Variants in SLC8A1 observed in about 807,000 individuals in gnomAD.
SLC8A1 encodes solute carrier family 8 member A1.
SLC8A1 carries 18 observed loss-of-function variants against 68.3 expected under a neutral mutation model. The observed-to-expected ratio is 0.26, with a 90% CI of 0.18 to 0.39. The LOEUF (loss-of-function observed/expected upper bound fraction) is 0.39, where lower values mean the gene tolerates loss of function less well. Ranked by LOEUF, SLC8A1 falls within the 10% of genes least tolerant of loss-of-function variation. SLC8A1 has a pLI of 1.00. For missense variants in SLC8A1, 985 were observed against 1,156.7 expected (o/e 0.85, Z 2.15); for synonymous variants, 475 against 415.5 (o/e 1.14, Z -1.74).
At chr2:40,278,661 G>T (rs974196424) in intron 2 of SLC8A1, among the ~76,000 whole-genome samples, 2 of 151,990 alleles carry the variant, frequency 1.3e-5, no homozygotes, top group African/African-American at 4.8e-5. Context: ...GGGCATTGTG[G>T]TCTCTCCTTC....
chr2:40,291,079 G>A (rs1477191001), intron 2 of SLC8A1, among the ~76,000 whole-genome samples: 1 of 152,188 alleles, frequency 6.6e-6, no homozygotes, highest in East Asian at 1.9e-4. Context: ...AGTGATCATA[G>A]TACAAACTAT....
At chr2:40,275,743 A>G (rs1016028518) in intron 2 of SLC8A1, among the ~76,000 whole-genome samples, 1 of 152,214 alleles carries the variant, frequency 6.6e-6, no homozygotes, top group African/African-American at 2.4e-5. Flanking sequence ...AATTATGTGA[A>G]AGGTGCTTTG....
At chr2:40,307,146 T>TATACACACACAC (rs1553490522) in intron 2 of SLC8A1, among the ~76,000 whole-genome samples, 10 of 148,172 alleles carry the variant, frequency 6.7e-5, no homozygotes, top group African/African-American at 1.7e-4. Flanking sequence ...AAATGTGATA[T>TATACACACACAC]ACACACACAC....
At chr2:40,201,274 T>C (rs1177480597) in intron 2 of SLC8A1, among the ~76,000 whole-genome samples, 1 of 151,950 alleles carries the variant, frequency 6.6e-6, no homozygotes, top group East Asian at 1.9e-4. Context: ...CAATTTCTTG[T>C]GACTTGTCAA....
intron 2 of SLC8A1, among the ~76,000 whole-genome samples, chr2:40,294,747 A>G (rs1293625671): frequency 6.6e-6 from 1 of 152,196 alleles, no homozygotes; most frequent in African/African-American, 2.4e-5. Context: ...GGTTTTATAA[A>G]ATAAAGTTAA....
chr2:40,397,735 C>T (rs937690135), intron 2 of SLC8A1, among the ~76,000 whole-genome samples: 1 of 152,162 alleles, frequency 6.6e-6, no homozygotes, highest in African/African-American at 2.4e-5. Flanking sequence ...CCAGGAGAAC[C>T]ACTCTGAGAA....
At chr2:40,353,105 A>G (rs551253956) in intron 2 of SLC8A1, among the ~76,000 whole-genome samples, 24 of 152,164 alleles carry the variant, frequency 1.6e-4, no homozygotes, top group African/African-American at 5.8e-4. Context: ...ATAACTTTCT[A>G]TTGTCAACTG....
intron 2 of SLC8A1, among the ~76,000 whole-genome samples, chr2:40,242,086 A>G (rs1232057162): frequency 2.0e-5 from 3 of 152,080 alleles, no homozygotes; most frequent in Admixed American, 6.6e-5. Flanking sequence ...GACTAAATAT[A>G]TTGTTATATA....
intron 1 of SLC8A1, among the ~76,000 whole-genome samples, chr2:40,476,826 A>G (rs1704323177): frequency 6.6e-6 from 1 of 152,202 alleles, no homozygotes; most frequent in Admixed American, 6.5e-5. Flanking sequence ...CCATTGGCAG[A>G]GTATCTAGGA....
chr2:40,429,823 A>G (rs1281142771), exon 2 of SLC8A1: 1 of 1,613,752 alleles, frequency 6.2e-7, no homozygotes, highest in African/African-American at 1.3e-5. Context: ...CACTTCAATT[A>G]CTGAAAGGAG....
rs139267501 is a variant in SLC8A1, at chr2:40,428,741, G to C, written c.1540C>G (p.His514Asp). ...CCGAGGCAAGCAAGTGTAGAAACAT[G>C]ATTGGCTTCCAGTATGCCATCTTCT... The change falls in exon 2 of 8, where the codon CAT (histidine) becomes GAT (aspartate). Residue 514 changes from histidine (H) to aspartate (D), a missense_variant. By Grantham distance (81) the His-to-Asp change is moderately conservative. Transcript: ENST00000406785. 4 of 1,613,808 alleles carry C rather than the reference G, an allele frequency of 2.5e-6. No homozygotes were observed. In the East Asian group the frequency reaches 8.9e-5, roughly 36 times the overall value.
At chr2:40,453,107 T>C (rs942584313), upstream of SLC8A1, 4 of 152,212 alleles carry the variant, frequency 2.6e-5, no homozygotes, top group African/African-American at 7.2e-5. Context: ...GGTGAAAGGC[T>C]AGACCTACTG....
intron 7 of SLC8A1, among the ~76,000 whole-genome samples, chr2:40,133,711 C>G (rs550892546): frequency 3.3e-4 from 19 of 57,898 alleles, no homozygotes; most frequent in Non-Finnish European, 6.6e-4. Flanking sequence ...TCCCCCCCCC[C>G]CACCGACTCA....
intron 2 of SLC8A1, among the ~76,000 whole-genome samples, chr2:40,371,487 G>C (rs909991887): frequency 6.6e-6 from 1 of 152,012 alleles, no homozygotes; most frequent in Non-Finnish European, 1.5e-5. Context: ...TGTTACCAAG[G>C]CTCAGGGACC....
intron 2 of SLC8A1, among the ~76,000 whole-genome samples, chr2:40,270,800 G>C (rs1315516267): frequency 6.6e-6 from 1 of 152,162 alleles, no homozygotes; most frequent in Non-Finnish European, 1.5e-5. Context: ...GGTGGTAAGA[G>C]GTGGTGAGGA....
chr2:40,321,157 T>G (rs1559231158), intron 2 of SLC8A1, among the ~76,000 whole-genome samples: 1 of 152,162 alleles, frequency 6.6e-6, no homozygotes, highest in Non-Finnish European at 1.5e-5. Flanking sequence ...ATATGAGACA[T>G]CTTTATTTGC....
chr2:40,251,077 A>G (rs1218392420), intron 2 of SLC8A1: 1 of 152,184 alleles, frequency 6.6e-6, no homozygotes, highest in African/African-American at 2.4e-5. Context: ...TACTTTGAAG[A>G]ATTTTTTTAA....
intron 2 of SLC8A1, among the ~76,000 whole-genome samples, chr2:40,349,752 A>G (rs1015493637): frequency 3.9e-5 from 6 of 152,198 alleles, no homozygotes; most frequent in African/African-American, 1.4e-4. Context: ...GGATGTGAAA[A>G]CTAAACCAAT....
intron 2 of SLC8A1, among the ~76,000 whole-genome samples, chr2:40,352,484 T>A (rs548559275): frequency 6.6e-6 from 1 of 152,178 alleles, no homozygotes; most frequent in African/African-American, 2.4e-5. Context: ...CCTCAGGAAT[T>A]CAAAGAAGCC....
Sources: allele counts gnomAD v4.1 joint callset (sites outside exome capture counted in the v4.1 genomes callset), GRCh38; gene constraint gnomAD v4.1.1; transcripts MANE v1.5; gene names NCBI Gene and HGNC (gene_info 2026-07-23, HGNC 2026-07-21).